PLCH2: variants seen among roughly 807,000 people sequenced by gnomAD.
PLCH2 encodes the protein 1-phosphatidylinositol 4,5-bisphosphate phosphodiesterase eta-2.
A neutral mutation model predicts 134.7 loss-of-function variants in PLCH2; 98 were observed. The ratio of observed to expected loss-of-function variants is 0.73; its 90% confidence interval spans 0.62 to 0.86. The LOEUF (loss-of-function observed/expected upper bound fraction) is 0.86. Among genes scored for constraint, PLCH2 ranks in the 40% least tolerant of loss-of-function variants. PLCH2 has a pLI of 0.00. For missense variants in PLCH2, 1,994 were observed against 1,986.6 expected (o/e 1.00, Z -0.07); for synonymous variants, 974 against 827.5 (o/e 1.18, Z -3.04).
upstream of PLCH2, among the ~76,000 whole-genome samples, chr1:2,466,670 C>T (rs796952234): frequency 2.0e-5 from 3 of 152,364 alleles, no homozygotes; most frequent in African/African-American, 7.2e-5. Flanking sequence ...CTCAAGGCCC[C>T]TTGGGGCAGA....
Position 2,487,551 on chromosome 1 carries a change from C to T in PLCH2, c.1115-47C>T, listed in dbSNP as rs943103452. ...GGTCGAAGCTCAGCCTGCCTGGGCTCACTGTGGCTAGGCCCCTGGGGCTGA... is the reference window on the plus strand; with the variant it reads ...GGTCGAAGCTCAGCCTGCCTGGGCTTACTGTGGCTAGGCCCCTGGGGCTGA... On this transcript the variant is annotated intron_variant, in intron 7 of 21. Transcript: ENST00000378486. 10 of 1,588,130 alleles carry T rather than the reference C, an allele frequency of 6.3e-6. No homozygotes were observed. In the East Asian group the frequency reaches 1.1e-4, roughly 18 times the overall value.
chr1:2,486,623 G>A (rs975750087), intron 5 of PLCH2, among the ~76,000 whole-genome samples: 4 of 152,248 alleles, frequency 2.6e-5, no homozygotes, highest in Non-Finnish European at 5.9e-5. Flanking sequence ...CCTCTGCTCC[G>A]TGCCAGGCCC....
At chr1:2,455,962 G>T (rs1230463041) in intron 2 of PLCH2, among the ~76,000 whole-genome samples, 2 of 152,276 alleles carry the variant, frequency 1.3e-5, no homozygotes, top group African/African-American at 4.8e-5. Context: ...CGGCTTTGCA[G>T]CTGTGTTTGA....
At chr1:2,490,367 A>G (rs1466785479) in intron 10 of PLCH2, among the ~76,000 whole-genome samples, 1 of 152,076 alleles carries the variant, frequency 6.6e-6, no homozygotes, top group African/African-American at 2.4e-5. Context: ...GTCAACTCTG[A>G]TATGGGGGTC....
chr1:2,460,637 G>A (rs1164488662), intron 2 of PLCH2, among the ~76,000 whole-genome samples: 14 of 152,180 alleles, frequency 9.2e-5, no homozygotes, highest in Non-Finnish European at 5.9e-5. Context: ...GGCCTGGGGC[G>A]GCACCCAGGT....
At chr1:2,460,349 C>A (rs1640753955) in intron 2 of PLCH2, among the ~76,000 whole-genome samples, 1 of 152,252 alleles carries the variant, frequency 6.6e-6, no homozygotes, top group African/African-American at 2.4e-5. Context: ...TCCTCACTTC[C>A]TCTCCAGCTC....
chr1:2,443,621 G>T (rs1450976450), intron 2 of PLCH2, among the ~76,000 whole-genome samples: 1 of 125,946 alleles, frequency 7.9e-6, no homozygotes, highest in African/African-American at 2.9e-5. Context: ...TGTTCTGTGC[G>T]TCGCGCTCGC....
At chr1:2,479,271 G>C (rs549092838) in intron 2 of PLCH2, 1 of 167,356 alleles carries the variant, frequency 6.0e-6, no homozygotes, top group African/African-American at 2.4e-5. Flanking sequence ...GGAGAGAGTC[G>C]CGCTGCGGAG....
chr1:2,438,764 G>A (rs768331092), intron 2 of PLCH2, among the ~76,000 whole-genome samples: 26 of 152,268 alleles, frequency 1.7e-4, no homozygotes, highest in Admixed American at 5.9e-4. Flanking sequence ...AGCACCCCCC[G>A]TCCCGCTGCC....
At chr1:2,425,323 A>G (rs767523921), upstream of PLCH2, among the ~76,000 whole-genome samples, 1 of 152,082 alleles carries the variant, frequency 6.6e-6, no homozygotes, top group Non-Finnish European at 1.5e-5. Flanking sequence ...ACACATATAC[A>G]CACACATACA....
At chr1:2,462,394 G>C (rs115072175) in intron 2 of PLCH2, among the ~76,000 whole-genome samples, 1 of 62,296 alleles carries the variant, frequency 1.6e-5, no homozygotes, top group Non-Finnish European at 3.1e-5. Flanking sequence ...CACCCCCTCC[G>C]CCTGACACCC....
chr1:2,498,552 C>T lies in PLCH2; in HGVS notation c.2254C>T (p.Leu752=), dbSNP rs2100726575. 1.9e-6 allele frequency: 3 copies of T among 1,607,694 alleles called. No homozygotes were observed. The highest frequency in any genetic ancestry group is 2.3e-4 in the Middle Eastern group (1 of 4,440). The change falls in exon 17 of 22, where the codon CTG becomes TTG. Residue 752 remains leucine (L), a synonymous_variant. Transcript: ENST00000378486. This position sits in a 1 kb window ranked among gnomAD's most constrained non-coding sequence, Gnocchi z 5.4. ...GTTCAACCCCAACTCGGAGGACCCC[C>T]TGCCCGGGCAGCTCAAGAAGCAGCT... The part of the protein sequence containing the change: ...GVFNPNSEDP[L]PGQLKKQLVL...
chr1:2,433,623 T>C lies in PLCH2; in HGVS notation c.115+2994T>C, dbSNP rs546864101. ...AAGTGCACTCAGATCTGCGTTTTCCTTCGGACTCTACACCGGCTCTTATGT... is the reference window on the plus strand; with the variant it reads ...AAGTGCACTCAGATCTGCGTTTTCCCTCGGACTCTACACCGGCTCTTATGT... On this transcript the variant is annotated intron_variant, in intron 2 of 3. Transcript: ENST00000609981. Among the ~76,000 whole-genome samples, 266 of 152,322 alleles carry C rather than the reference T, an allele frequency of 1.7e-3. 1 individual carries two copies. The highest frequency in any genetic ancestry group is 6.8e-3 in the Middle Eastern group (2 of 294).
At chr1:2,422,299 A>G (rs1438163564), upstream of PLCH2, among the ~76,000 whole-genome samples, 1 of 151,928 alleles carries the variant, frequency 6.6e-6, no homozygotes, top group Non-Finnish European at 1.5e-5. Context: ...AAAACCCATA[A>G]ACTAATGACA....
intron 2 of PLCH2, among the ~76,000 whole-genome samples, chr1:2,461,922 G>A (rs958871219): frequency 6.6e-6 from 1 of 151,968 alleles, no homozygotes; most frequent in Non-Finnish European, 1.5e-5. Context: ...GGGACCCCCT[G>A]TCCCATCAGC....
At chr1:2,497,433 G>A in intron 15 of PLCH2, 69 bp from the exon 16 acceptor site, 1 of 1,078,202 alleles carries the variant, frequency 9.3e-7, no homozygotes, top group Non-Finnish European at 1.4e-6. Flanking sequence ...AGCGTGTGGT[G>A]GTGGGTGGGC....
At chr1:2,480,000 C>T (rs551178202) in intron 3 of PLCH2, 23 bp downstream of exon 3, 11 of 1,596,568 alleles carry the variant, frequency 6.9e-6, no homozygotes, top group South Asian at 1.1e-5. Context: ...ACCTATCGGG[C>T]AATGCAGACC....
At chr1:2,480,674 C>T (rs1250415144) in intron 4 of PLCH2, among the ~76,000 whole-genome samples, 7 of 152,244 alleles carry the variant, frequency 4.6e-5, no homozygotes. Context: ...AGCCCCGCAG[C>T]CTCGAGGGGG....
At chr1:2,423,777 C>T (rs988401313), upstream of PLCH2, among the ~76,000 whole-genome samples, 5 of 152,124 alleles carry the variant, frequency 3.3e-5, no homozygotes, top group Non-Finnish European at 5.9e-5. Context: ...TTAAGTTGTT[C>T]TCTCTATGGT....
Sources: gnomAD v4.1 joint callset for allele counts (sites outside exome capture counted in the v4.1 genomes callset) on GRCh38, gnomAD v4.1.1 for gene constraint, Gnocchi (gnomAD v3.1) non-coding constraint, MANE v1.5 for transcripts, NCBI Gene and HGNC (gene_info 2026-07-23, HGNC 2026-07-21) for gene names.